FRMD4A: variants seen among roughly 807,000 people sequenced by gnomAD.
The protein encoded by FRMD4A is FERM domain containing 4A, also known as FERM domain-containing protein 4A.
A neutral mutation model predicts 129.1 loss-of-function variants in FRMD4A; 29 were observed. The observed-to-expected ratio is 0.22, with a 90% CI of 0.17 to 0.31. The LOEUF is 0.31. Ranked by LOEUF, FRMD4A falls within the 10% of genes least tolerant of loss-of-function variation. The probability of loss-of-function intolerance (pLI) is 1.00; values close to 1 mark genes in which losing one functional copy is unlikely to be tolerated. For missense variants in FRMD4A, 1,272 were observed against 1,375.8 expected, an observed-to-expected ratio of 0.92 and a Z score of 1.19; for synonymous variants, 634 against 571.6, an observed-to-expected ratio of 1.11 and a Z score of -1.56.
chr10:13,684,772 AG>A (rs2084924887), intron 15 of FRMD4A: 16 of 984,684 alleles, frequency 1.6e-5, no homozygotes, highest in Non-Finnish European at 1.8e-5. Flanking sequence ...CTCTGGAAGG[AG>A]GGGAAACTTC....
At chr10:13,903,399 C>T (rs567422523) in intron 2 of FRMD4A, among the ~76,000 whole-genome samples, 1 of 152,214 alleles carries the variant, frequency 6.6e-6, no homozygotes, top group East Asian at 1.9e-4. Context: ...TCTCCTGAGC[C>T]TAGAACAGTC....
intron 2 of FRMD4A, chr10:13,971,567 C>T: frequency 1.4e-6 from 1 of 710,212 alleles, no homozygotes; most frequent in Admixed American, 2.4e-5. Flanking sequence ...GTCCCGAACA[C>T]ATGTGACAAT....
chr10:14,257,291 A>G lies in FRMD4A; in HGVS notation c.45+72767T>C, dbSNP rs527871286. Among the ~76,000 whole-genome samples, 441 of 152,300 alleles carry G rather than the reference A, an allele frequency of 2.9e-3. 2 individuals carry two copies. The highest frequency in any genetic ancestry group is 0.01 in the African/African-American group (417 of 41,548). ...GGTTGCAGTGAGCCGAGATCGTGCC[A>G]CCACACTCCAGCCTGGGTGACAGAG... On this transcript the variant is annotated intron_variant, in intron 2 of 24. Coordinates refer to ENST00000357447, the MANE Select transcript of FRMD4A (RefSeq NM_018027.5).
In FRMD4A at chr10:13,738,154, C is replaced by G. The variant is rs902058560; in HGVS notation, c.673-224G>C. Among the ~76,000 whole-genome samples, 5 of 152,138 alleles carry G rather than the reference C, an allele frequency of 3.3e-5. No individual in the cohort carries two copies. In the South Asian group the frequency reaches 8.3e-4, roughly 25 times the overall value. On this transcript the variant is annotated intron_variant, in intron 11 of 24. Transcript: ENST00000357447. ...GGAGTGCCGGGGGCTGGGGGCCTGG[C>G]TCTGCTCTTAATCAGCCGCACAGCC... is the stretch of plus-strand genomic sequence containing the variant.
intron 2 of FRMD4A, among the ~76,000 whole-genome samples, chr10:14,093,231 C>T (rs1181590531): frequency 1.3e-5 from 2 of 152,112 alleles, no homozygotes; most frequent in South Asian, 2.1e-4. Flanking sequence ...GTTTTCTTCC[C>T]CTCTGAACAA....
At chr10:13,889,074 C>T (rs2094662074) in intron 2 of FRMD4A, among the ~76,000 whole-genome samples, 1 of 152,244 alleles carries the variant, frequency 6.6e-6, no homozygotes, top group Admixed American at 6.5e-5. Flanking sequence ...TGCAAACACA[C>T]ACGCACCAGC....
At chr10:14,302,332 C>A (rs1056005490) in intron 2 of FRMD4A, among the ~76,000 whole-genome samples, 1 of 152,116 alleles carries the variant, frequency 6.6e-6, no homozygotes, top group Non-Finnish European at 1.5e-5. Context: ...CTGGACTCAG[C>A]AAAACAGATA....
rs1418691355 is a variant in FRMD4A, at chr10:14,015,663, AC to A, written c.46-156752del. Among the ~76,000 whole-genome samples the A allele has an allele frequency of 1.4e-4, 21 of 152,208 alleles. 1 individual carries two copies. In the East Asian group the frequency reaches 4.1e-3, roughly 29 times the overall value. On this transcript the variant is annotated intron_variant, in intron 2 of 24. Transcript: ENST00000357447. ...TGTATTCTGTACCAAGCTCCATGAT[AC>A]TGGCTTCATCCTTGTCTAAATGAAT...
chr10:13,826,145 G>T (rs1439635371), intron 3 of FRMD4A, among the ~76,000 whole-genome samples: 3 of 152,250 alleles, frequency 2.0e-5, no homozygotes, highest in Non-Finnish European at 2.9e-5. Context: ...CCTGGTACAT[G>T]AGAGGTGCTC....
rs112453478 is a variant in FRMD4A at position 14,144,265 on chromosome 10, A to G, written c.45+185793T>C. Among the ~76,000 whole-genome samples, 195 of 152,290 alleles carry G rather than the reference A, an allele frequency of 1.3e-3. 1 individual carries two copies. The highest frequency in any genetic ancestry group is 4.3e-3 in the African/African-American group (179 of 41,560). ...CACTCTTGGGAGCTGCAGCAGTCAC[A>G]TTACCTGAGCCTTTAGGAACCCCTT... is the stretch of plus-strand genomic sequence containing the variant. On this transcript the variant is annotated intron_variant, in intron 2 of 24. Coordinates refer to ENST00000357447, the MANE Select transcript of FRMD4A (RefSeq NM_018027.5).
chr10:13,953,198 G>A (rs2095385686), intron 2 of FRMD4A, among the ~76,000 whole-genome samples: 1 of 152,138 alleles, frequency 6.6e-6, no homozygotes, highest in Non-Finnish European at 1.5e-5. Flanking sequence ...TCTTCCCCTT[G>A]TGAAACTCAG....
Position 14,193,388 on chromosome 10 carries a change from A to C in FRMD4A, c.45+136670T>G, listed in dbSNP as rs779488152. 1.7e-3 allele frequency among the ~76,000 whole-genome samples: 266 copies of C among 152,066 alleles called. 1 individual carries two copies. Among genetic ancestry groups the C allele is most frequent in the Non-Finnish European group, 2.1e-3 (141 of 68,028 alleles). ...ACCTTGTCTTATTAATCACAAACCA[A>C]ACTTCCAGAAAACGGAAATGTCACA... On this transcript the variant is annotated intron_variant, in intron 2 of 24. Coordinates refer to ENST00000357447, the MANE Select transcript of FRMD4A (RefSeq NM_018027.5).
intron 2 of FRMD4A, among the ~76,000 whole-genome samples, chr10:14,164,600 G>T (rs574809168): frequency 2.6e-5 from 4 of 152,278 alleles, no homozygotes; most frequent in South Asian, 2.1e-4. Context: ...TCATTTCTAC[G>T]TTGGGAACAG....
chr10:14,118,067 G>A (rs1047056453), intron 2 of FRMD4A, among the ~76,000 whole-genome samples: 9 of 152,148 alleles, frequency 5.9e-5, no homozygotes, highest in African/African-American at 1.4e-4. Context: ...AGCAGTCAGC[G>A]CAGACCCTGC....
intron 5 of FRMD4A, among the ~76,000 whole-genome samples, chr10:13,791,699 C>G (rs2093005056): frequency 6.6e-6 from 1 of 152,118 alleles, no homozygotes; most frequent in South Asian, 2.1e-4. Context: ...CAAGGGACAT[C>G]TGTGAGCCCA....
chr10:13,789,577 C>CACAG (rs2092945481), intron 5 of FRMD4A, among the ~76,000 whole-genome samples: 1 of 150,394 alleles, frequency 6.6e-6, no homozygotes, highest in Non-Finnish European at 1.5e-5. Context: ...CACACACACA[C>CACAG]ACACACACAC....
intron 2 of FRMD4A, among the ~76,000 whole-genome samples, chr10:14,163,544 T>G (rs1259580067): frequency 6.6e-6 from 1 of 152,226 alleles, no homozygotes; most frequent in Non-Finnish European, 1.5e-5. Flanking sequence ...GTGGACTCTT[T>G]GTTAAACTTT....
chr10:14,293,104 T>C (rs574929407), intron 2 of FRMD4A, among the ~76,000 whole-genome samples: 7 of 152,336 alleles, frequency 4.6e-5, no homozygotes, highest in African/African-American at 1.7e-4. Context: ...TTTGAATGTG[T>C]TCCCCAAAAT....
At chr10:14,104,818 A>T (rs1837501443) in intron 2 of FRMD4A, among the ~76,000 whole-genome samples, 1 of 152,244 alleles carries the variant, frequency 6.6e-6, no homozygotes, top group African/African-American at 2.4e-5. Context: ...CCATCCAGGG[A>T]AAACCAAACC....
Sources: allele counts gnomAD v4.1 joint callset (sites outside exome capture counted in the v4.1 genomes callset), GRCh38; gene constraint gnomAD v4.1.1; transcripts MANE v1.5; gene names NCBI Gene and HGNC (gene_info 2026-07-23, HGNC 2026-07-21).